The following UNC80 variants were observed in gnomAD, a reference collection of about 807,000 sequenced individuals.
UNC80 encodes protein unc-80 homolog.
In UNC80, 164 loss-of-function variants were observed where a neutral mutation model predicts 384.6. That is an observed-to-expected ratio of 0.43 (90% CI 0.38 to 0.49). The LOEUF (loss-of-function observed/expected upper bound fraction) is 0.49, where lower values mean the gene tolerates loss of function less well. Among genes scored for constraint, UNC80 ranks in the 20% least tolerant of loss-of-function variants. The pLI is 0.00. For synonymous variants in UNC80, 1,486 were observed against 1,527.8 expected, an observed-to-expected ratio of 0.97 and a Z score of 0.64; for missense variants, 3,330 against 4,143.0, an observed-to-expected ratio of 0.80 and a Z score of 5.39.
intron 23 of UNC80, among the ~76,000 whole-genome samples, chr2:209,874,669 A>T (rs2084619853): frequency 6.6e-6 from 1 of 152,044 alleles, no homozygotes; most frequent in Admixed American, 6.6e-5. Flanking sequence ...ATTCTCCAGG[A>T]TCTCTCTTAA....
Position 209,813,729 on chromosome 2 carries a change from T to G in UNC80, c.1088T>G (p.Leu363Trp). The G allele has an allele frequency of 6.4e-7, 1 of 1,551,732 alleles. No homozygotes were observed. The highest frequency in any genetic ancestry group is 1.2e-5 in the South Asian group (1 of 84,058). ...TATCTACAAAGGCTGCGACACATGT[T>G]GGAAGAGAAGCCAGAAAAGCCTCCG... is the stretch of plus-strand genomic sequence containing the variant. ...MYYLQRLRHM[L>W]EEKPEKPPEP... The change falls in exon 8 of 65, where the codon TTG becomes TGG. Residue 363 changes from leucine to tryptophan, a missense_variant. This residue lies in a region of UNC80 where 937 missense variants were observed against 1,026.8 expected (regional missense o/e 0.91). Coordinates refer to ENST00000673920, the MANE Select transcript of UNC80 (RefSeq NM_001371986.1).
At chr2:209,780,739 T>C (rs549531517) in intron 4 of UNC80, among the ~76,000 whole-genome samples, 1 of 152,276 alleles carries the variant, frequency 6.6e-6, no homozygotes, top group South Asian at 2.1e-4. Flanking sequence ...AGCCACCGCC[T>C]TACATCTTTC....
chr2:209,870,070 T>TAAC (rs534716537), intron 22 of UNC80, among the ~76,000 whole-genome samples: 100 of 152,336 alleles, frequency 6.6e-4, no homozygotes, highest in African/African-American at 2.3e-3. Flanking sequence ...AGTTGCCATC[T>TAAC]AACACTTAGA....
chr2:209,953,262 A>G (rs1409460192), intron 47 of UNC80, among the ~76,000 whole-genome samples: 2 of 151,958 alleles, frequency 1.3e-5, no homozygotes, highest in African/African-American at 2.4e-5. Flanking sequence ...TACTAAAAAT[A>G]CAAAAATTAT....
At chr2:209,955,125 G>C (rs2092350770) in intron 48 of UNC80, among the ~76,000 whole-genome samples, 1 of 152,060 alleles carries the variant, frequency 6.6e-6, no homozygotes, top group African/African-American at 2.4e-5. Context: ...CCTTCTTCCT[G>C]GGTTTAGTGT....
intron 35 of UNC80, among the ~76,000 whole-genome samples, chr2:209,925,287 A>G (rs540200178): frequency 1.4e-4 from 22 of 152,216 alleles, no homozygotes; most frequent in Non-Finnish European, 2.8e-4. Context: ...AAAGATTTCC[A>G]CATGCATCTA....
rs1227553927 is a variant in UNC80, at chr2:209,813,777, C to A, written c.1136C>A (p.Pro379His). Reference protein sequence around the residue: ...KPPEPDIPLLPRPRSSSMVAA... With the variant: ...KPPEPDIPLLHRPRSSSMVAA... ...CCGGAGCCAGATATTCCTCTCCTGC[C>A]CAGACCCAGGAGTAGCTCCATGGTG... Residue 379 changes from proline (P) to histidine (H), a missense_variant, in exon 8 of 65, where the codon CCC (proline) becomes CAC (histidine). Around this residue, in one of 8 missense-constraint regions of UNC80, gnomAD observed 937 missense variants for 1,026.8 expected, o/e 0.91. Transcript: ENST00000673920. 4 of 1,552,080 alleles carry A rather than the reference C, an allele frequency of 2.6e-6. No individual in the cohort carries two copies. In the East Asian group the frequency reaches 9.8e-5, roughly 38 times the overall value.
Position 209,829,325 on chromosome 2 carries a change from G to A in UNC80, c.2572G>A (p.Val858Ile), listed in dbSNP as rs1028743724. The change falls in exon 15 of 65, where the codon GTA (valine) becomes ATA (isoleucine). Residue 858 changes from valine to isoleucine, a missense_variant. By Grantham distance (29) the Val-to-Ile change is conservative. This residue lies in a region of UNC80 where 937 missense variants were observed against 1,026.8 expected (regional missense o/e 0.91). Transcript: ENST00000673920. ...DYVNKDSLNN[V>I]VDFLHALLGF... ...TGTGAACAAGGACTCTCTCAATAATGTAGTGGACTTCTTGCATGCTTTGCT... is the reference window on the plus strand; with the variant it reads ...TGTGAACAAGGACTCTCTCAATAATATAGTGGACTTCTTGCATGCTTTGCT... The A allele has an allele frequency of 4.5e-6, 7 of 1,551,286 alleles. No individual in the cohort carries two copies. The Admixed American group carries it at 7.8e-5, about 17-fold the overall frequency.
rs147386469 is a variant in UNC80, at chr2:209,829,908, G to A, written c.2626+529G>A. On this transcript the variant is annotated intron_variant, in intron 15 of 64. Transcript: ENST00000673920. ...TTTTAAAAAGGCAAATGGATGCACA[G>A]ATAAACCTACAAGCTATTTTATAAC... Among the ~76,000 whole-genome samples the A allele has an allele frequency of 7.0e-3, 1,067 of 152,304 alleles. 3 individuals are homozygous for A. The highest frequency in any genetic ancestry group is 9.5e-3 in the South Asian group (46 of 4,828).
rs971556060 is a variant in UNC80 at position 209,936,855 on chromosome 2, G to A, written c.6285G>A (p.Glu2095=). The part of the protein sequence containing the change: ...QFEALLKECL[E]FFNIPESQST... ...TGCTATTGTTCTAGGAGTGTCTGGAGTTTTTTAATATCCCAGAATCCCAGT... is the reference window on the plus strand; with the variant it reads ...TGCTATTGTTCTAGGAGTGTCTGGAATTTTTTAATATCCCAGAATCCCAGT... Residue 2095 remains glutamate, a synonymous_variant, in exon 41 of 65, where the codon GAG becomes GAA. Coordinates refer to ENST00000673920, the MANE Select transcript of UNC80 (RefSeq NM_001371986.1). 1.3e-6 allele frequency: 2 copies of A among 1,548,668 alleles called. No homozygotes were observed. The highest frequency in any genetic ancestry group is 8.7e-7 in the Non-Finnish European group (1 of 1,144,302).
At position 209,870,908 on chromosome 2, in the gene UNC80, G is replaced by A. The variant is rs1445890792; in HGVS notation, c.3628-1850G>A. Among the ~76,000 whole-genome samples, 7 of 152,206 alleles carry A rather than the reference G, an allele frequency of 4.6e-5. No individual in the cohort carries two copies. The South Asian group carries it at 1.4e-3, about 32-fold the overall frequency. On this transcript the variant is annotated intron_variant, in intron 22 of 64. Transcript: ENST00000673920. The stretch of plus-strand genomic sequence containing the variant: ...TGGGAATTTTCTGGATAGAAAAGGA[G>A]TTTCAAGGCTCTGCAAGCCGTGAGA...
intron 22 of UNC80, among the ~76,000 whole-genome samples, chr2:209,859,875 TG>T (rs2083224802): frequency 1.3e-5 from 2 of 152,174 alleles, no homozygotes; most frequent in Non-Finnish European, 2.9e-5. Flanking sequence ...TTGATAGGGT[TG>T]TTTTTTCCTG....
intron 21 of UNC80, among the ~76,000 whole-genome samples, chr2:209,844,601 T>A (rs112686412): frequency 3.5e-4 from 52 of 150,488 alleles, no homozygotes; most frequent in African/African-American, 1.2e-3. Flanking sequence ...CTTCCTTCTT[T>A]CTTTTTGAGA....
At chr2:209,887,039 T>C (rs943926997) in intron 25 of UNC80, among the ~76,000 whole-genome samples, 6 of 152,134 alleles carry the variant, frequency 3.9e-5, no homozygotes, top group African/African-American at 1.4e-4. Context: ...ATTATTATTA[T>C]TTTTTATTTA....
chr2:209,830,865 A>G (rs6435543), intron 15 of UNC80, among the ~76,000 whole-genome samples: 20,971 of 152,082 alleles, frequency 0.14, 2,765 homozygotes, highest in African/African-American at 0.34. Context: ...TGCCCAAGAA[A>G]TTTCTGGGAG....
chr2:209,837,259 G>C (rs1413282648), intron 18 of UNC80, among the ~76,000 whole-genome samples: 1 of 152,104 alleles, frequency 6.6e-6, no homozygotes. Flanking sequence ...CAAATCAATA[G>C]CTAAAACCCC....
chr2:209,976,247 A>G lies in UNC80; in HGVS notation c.8716A>G (p.Ile2906Val). 1 of 1,551,690 alleles carries G rather than the reference A, an allele frequency of 6.4e-7. No homozygotes were observed. ...GLALWDFLDF[I>V]VRTRIPIFVL... The stretch of plus-strand genomic sequence containing the variant: ...GGCCCTTTGGGATTTCCTCGACTTC[A>G]TCGTGCGGACCCGAATACCCATCTT... The change falls in exon 57 of 65, where the codon ATC becomes GTC. Residue 2906 changes from isoleucine to valine, a missense_variant. By Grantham distance (29) the Ile-to-Val change is conservative. This residue lies in a region of UNC80 where 1,049 missense variants were observed against 1,488.6 expected (regional missense o/e 0.70). Transcript: ENST00000673920. The surrounding 1 kb of genome is among the most constrained non-coding windows in gnomAD (Gnocchi z 4.3).
At chr2:209,862,459 T>G (rs1463484234) in intron 22 of UNC80, among the ~76,000 whole-genome samples, 1 of 152,152 alleles carries the variant, frequency 6.6e-6, no homozygotes. Context: ...GAGAGTTTAG[T>G]CTCTTTGTAG....
chr2:209,825,017 G>A (rs2080409692), intron 13 of UNC80, among the ~76,000 whole-genome samples: 1 of 152,116 alleles, frequency 6.6e-6, no homozygotes, highest in African/African-American at 2.4e-5. Context: ...AAAACACAAA[G>A]AGATTAGTTA....
Sources: allele counts gnomAD v4.1 joint callset (sites outside exome capture counted in the v4.1 genomes callset), GRCh38; gene constraint gnomAD v4.1.1; regional missense constraint gnomAD v4.1.1; non-coding constraint Gnocchi (gnomAD v3.1); transcripts MANE v1.5; gene names NCBI Gene and HGNC (gene_info 2026-07-23, HGNC 2026-07-21).